The following BUB1 variants were observed in gnomAD, a reference collection of about 807,000 sequenced individuals.
BUB1 encodes the protein BUB1 mitotic checkpoint serine/threonine kinase, also known as mitotic checkpoint serine/threonine-protein kinase BUB1.
Under a neutral mutation model 135.2 loss-of-function variants are expected in BUB1, and 84 were observed. That is an observed-to-expected ratio of 0.62 (90% CI 0.52 to 0.74). BUB1 has a LOEUF of 0.74. Among genes scored for constraint, BUB1 ranks in the 30% least tolerant of loss-of-function variants. The pLI, the probability that BUB1 is intolerant of heterozygous loss-of-function variation, is 0.00. For missense variants in BUB1, 1,162 were observed against 1,288.3 expected (o/e 0.90, Z 1.50); for synonymous variants, 403 against 434.4 (o/e 0.93, Z 0.90).
At chr2:110,655,043 G>T (rs1175437762) in intron 16 of BUB1, among the ~76,000 whole-genome samples, 2 of 152,164 alleles carry the variant, frequency 1.3e-5, no homozygotes, top group Non-Finnish European at 2.9e-5. Context: ...ATACCAAGAG[G>T]ACTGTCTAGT....
intron 9 of BUB1, among the ~76,000 whole-genome samples, chr2:110,664,486 A>G (rs952635937): frequency 1.8e-4 from 28 of 152,226 alleles, no homozygotes; most frequent in African/African-American, 6.5e-4. Context: ...GCCCAACCAA[A>G]TTATCAACCA....
At chr2:110,659,242 A>C (rs1346121893) in intron 11 of BUB1, among the ~76,000 whole-genome samples, 1 of 152,152 alleles carries the variant, frequency 6.6e-6, no homozygotes, top group Non-Finnish European at 1.5e-5. Context: ...TTCCTGCTTG[A>C]GGGCTTAGCA....
At position 110,658,465 on chromosome 2, in the gene BUB1, T is replaced by C; in HGVS notation, c.1461A>G (p.Lys487=). The change falls in exon 13 of 25, where the codon AAA becomes AAG. Residue 487 remains lysine (K), a synonymous_variant. Transcript: ENST00000302759. The part of the protein sequence containing the change: ...APTLPDISDD[K]DEWQSLDQNE... ...TTTGATCTAGAGATTGCCATTCATC[T>C]TTGTCATCAGAAATATCAGGAAGTG... is the stretch of plus-strand genomic sequence containing the variant. The C allele has an allele frequency of 6.2e-7, 1 of 1,614,116 alleles. No individual in the cohort carries two copies. The highest frequency in any genetic ancestry group is 1.1e-5 in the South Asian group (1 of 91,060).
rs1689404419 is a variant in BUB1 at position 110,637,874 on chromosome 2, T to C, written c.*90A>G. On this transcript the variant is annotated 3_prime_UTR_variant, in exon 25 of 25. Coordinates refer to ENST00000302759, the MANE Select transcript of BUB1 (RefSeq NM_004336.5). ...ATGGGATTTATTTTTAACAAACATT[T>C]ACATAAACAATAAATGAAAAAAAAA... is the stretch of plus-strand genomic sequence containing the variant. The C allele has an allele frequency of 1.1e-6, 1 of 928,232 alleles. No individual in the cohort carries two copies. The highest frequency in any genetic ancestry group is 1.5e-6 in the Non-Finnish European group (1 of 667,224). 57.5% of individuals were successfully genotyped at this position (928,232 alleles called of 1,614,324 possible).
At position 110,678,033 on chromosome 2, in the gene BUB1, C is replaced by T. The variant is rs1690643106; in HGVS notation, c.-38G>A. The T allele has an allele frequency of 1.3e-6, 2 of 1,587,850 alleles. No individual in the cohort carries two copies. Among genetic ancestry groups the T allele is most frequent in the East Asian group, 4.6e-5 (2 of 43,616 alleles). ...CTGGCCGGCAGCGGCCAAACCTGAA[C>T]CGCAAACTAGAAGCCGCCGCCGATT... On this transcript the variant is annotated 5_prime_UTR_variant, in exon 1 of 25. Coordinates refer to ENST00000302759, the MANE Select transcript of BUB1 (RefSeq NM_004336.5).
intron 15 of BUB1, 63 bp from the exon 16 acceptor site, chr2:110,655,979 T>A: frequency 1.4e-6 from 2 of 1,464,946 alleles, no homozygotes; most frequent in South Asian, 2.4e-5. Flanking sequence ...TGAAACCTTA[T>A]TCAATAACAC....
intron 24 of BUB1, 126 bp downstream of exon 24, chr2:110,639,616 C>T: frequency 2.7e-6 from 2 of 747,312 alleles, no homozygotes; most frequent in Admixed American, 2.5e-5. Context: ...TGTCCTGTCA[C>T]CATATTGCCC....
intron 23 of BUB1, among the ~76,000 whole-genome samples, chr2:110,640,586 T>C (rs1358890166): frequency 6.6e-6 from 1 of 152,156 alleles, no homozygotes; most frequent in Non-Finnish European, 1.5e-5. Context: ...TCTATTACAG[T>C]CAAACCCACC....
chr2:110,660,136 C>G, intron 10 of BUB1, 100 bp from the exon 11 acceptor site: 1 of 963,176 alleles, frequency 1.0e-6, no homozygotes, highest in African/African-American at 1.6e-5. Context: ...CTTTGGGAGG[C>G]CGAGGCGGGA....
chr2:110,654,606 C>A (rs544065358), intron 16 of BUB1, among the ~76,000 whole-genome samples: 1 of 147,498 alleles, frequency 6.8e-6, no homozygotes, highest in Non-Finnish European at 1.5e-5. Flanking sequence ...CATTAAACTA[C>A]TTTTCCTGGA....
In BUB1 at chr2:110,649,335, T is replaced by C. The variant is rs758701136; in HGVS notation, c.2246A>G (p.Lys749Arg). ...TGGTTTAGAAAGCCCAGATAAAAGT[T>C]TGAAAATCAGCTTATCATCCCATGG... ...GNPWDDKLIFKLLSGLSKPVS... is the reference protein window; with the variant it reads ...GNPWDDKLIFRLLSGLSKPVS... The change falls in exon 19 of 25, where the codon AAA (lysine) becomes AGA (arginine). Residue 749 changes from lysine to arginine, a missense_variant. By Grantham distance (26) the Lys-to-Arg change is conservative (BLOSUM62 2). Coordinates refer to ENST00000302759, the MANE Select transcript of BUB1 (RefSeq NM_004336.5). 10 of 1,610,230 alleles carry C rather than the reference T, an allele frequency of 6.2e-6. No homozygotes were observed. The highest frequency in any genetic ancestry group is 1.1e-5 in the South Asian group (1 of 90,662).
rs541393240 is a variant in BUB1 at position 110,667,485 on chromosome 2, A to C, written c.805+36T>G. 6.1e-4 allele frequency: 951 copies of C among 1,563,254 alleles called. 16 individuals are homozygous for C. In the South Asian group the frequency reaches 0.011, roughly 17 times the overall value. On this transcript the variant is annotated intron_variant, in intron 8 of 24. Coordinates refer to ENST00000302759, the MANE Select transcript of BUB1 (RefSeq NM_004336.5). ...TCAGAGATGAGGATTTTTTTATGTGACATAAGAATAACTAAAAATACAAGA... is the reference window on the plus strand; with the variant it reads ...TCAGAGATGAGGATTTTTTTATGTGCCATAAGAATAACTAAAAATACAAGA...
Position 110,650,534 on chromosome 2 carries a change from G to GGGCATAACAAA in BUB1, c.2203+11_2203+12insTTTGTTATGCC. On this transcript the variant is annotated intron_variant, in intron 18 of 24. Transcript: ENST00000302759. ...CTGATTCAAGGGCATAACAAAGAGT[G>GGGCATAACAAA]AGTGTTCGTACTTGGAGCATCAACA... The GGGCATAACAAA allele has an allele frequency of 6.2e-7, 1 of 1,609,610 alleles. No homozygotes were observed. Among genetic ancestry groups the GGGCATAACAAA allele is most frequent in the East Asian group, 2.2e-5 (1 of 44,828 alleles).
rs1690044360 is a variant in BUB1, at chr2:110,660,215, T to C, written c.1218-179A>G. Among the ~76,000 whole-genome samples the C allele has an allele frequency of 4.0e-5, 6 of 151,844 alleles. No homozygotes were observed. In the South Asian group the frequency reaches 1.2e-3, roughly 32 times the overall value. ...GGTGAAACCCCTTCTCTACTAAAAA[T>C]ACAAAAAAACATTAGCGGGGTGTGC... On this transcript the variant is annotated intron_variant, in intron 10 of 24. Transcript: ENST00000302759.
At chr2:110,658,849 A>C in intron 11 of BUB1, 107 bp from the exon 12 acceptor site, 2 of 1,384,360 alleles carry the variant, frequency 1.4e-6, no homozygotes, top group Middle Eastern at 1.8e-4. Context: ...TCATTGTTAA[A>C]AATTATCACT....
In BUB1 at chr2:110,670,709, G is replaced by A. The variant is rs1690397865; in HGVS notation, c.423-141C>T. 8.4e-6 allele frequency: 6 copies of A among 712,098 alleles called. No individual in the cohort carries two copies. In the East Asian group the frequency reaches 1.7e-4, roughly 20 times the overall value. The allele number at this position is 712,098 out of a possible 1,614,324, so 44.1% of individuals were successfully genotyped here. A position where few individuals can be genotyped will look rare whatever the true frequency, so the allele number is the denominator to read the frequency against. ...AGAGAGAATGTACAGTTGCATTTTAGAGTTGCTTCGAAATTAAAAAATAAA... is the reference window on the plus strand; with the variant it reads ...AGAGAGAATGTACAGTTGCATTTTAAAGTTGCTTCGAAATTAAAAAATAAA... On this transcript the variant is annotated intron_variant, in intron 4 of 24. Transcript: ENST00000302759.
intron 19 of BUB1, among the ~76,000 whole-genome samples, chr2:110,644,500 T>TAAAA (rs1689593323): frequency 7.9e-6 from 1 of 127,148 alleles, no homozygotes. Flanking sequence ...AAAAAAAAAT[T>TAAAA]GAAGTAATAA....
chr2:110,671,583 T>C (rs368618403), intron 4 of BUB1, among the ~76,000 whole-genome samples: 7 of 152,248 alleles, frequency 4.6e-5, no homozygotes, highest in African/African-American at 1.4e-4. Context: ...GAGTAAACAA[T>C]TGGTATAACC....
rs759283101 is a variant in BUB1 at position 110,670,554 on chromosome 2, C to T, written c.437G>A (p.Arg146His). The part of the protein sequence containing the change: ...LQQQYRLFQT[R>H]LTETHLPAQA... The stretch of plus-strand genomic sequence containing the variant: ...AGCTGGCAAATGGGTTTCAGTGAGG[C>T]GTGTCTGAAATAACCTAAATGACAG... The change falls in exon 5 of 25, where the codon CGC (arginine) becomes CAC (histidine). Residue 146 changes from arginine to histidine, a missense_variant. Transcript: ENST00000302759. The T allele has an allele frequency of 5.0e-6, 8 of 1,613,874 alleles. No individual in the cohort carries two copies. The highest frequency in any genetic ancestry group is 3.3e-4 in the Middle Eastern group (2 of 6,062).
Sources: allele counts gnomAD v4.1 joint callset (sites outside exome capture counted in the v4.1 genomes callset), GRCh38; gene constraint gnomAD v4.1.1; transcripts MANE v1.5; gene names NCBI Gene and HGNC (gene_info 2026-07-23, HGNC 2026-07-21).